Variants in AUH observed in about 807,000 individuals in gnomAD.
AUH encodes methylglutaconyl-CoA hydratase, mitochondrial.
In AUH, 29 loss-of-function variants were observed where a neutral mutation model predicts 42.3. The observed-to-expected ratio is 0.69, with a 90% CI of 0.51 to 0.93. The LOEUF is 0.93. AUH is among the 40% of genes least tolerant of loss of function. The pLI is 0.00. For missense variants in AUH, 452 were observed against 438.1 expected (o/e 1.03, Z -0.28); for synonymous variants, 174 against 166.4 (o/e 1.05, Z -0.35).
At chr9:91,288,318 G>A (rs578226504) in intron 6 of AUH, among the ~76,000 whole-genome samples, 1 of 152,156 alleles carries the variant, frequency 6.6e-6, no homozygotes, top group Non-Finnish European at 1.5e-5. Context: ...CCTTGCAAAT[G>A]TATTAAAGGA....
intron 8 of AUH, 120 bp downstream of exon 8, chr9:91,217,157 T>C (rs1471528061): frequency 1.2e-5 from 12 of 1,018,400 alleles, no homozygotes; most frequent in East Asian, 2.5e-5. Context: ...TCAGTAATAG[T>C]AGCATTTAAA....
chr9:91,330,755 C>T (rs150170468), intron 3 of AUH, among the ~76,000 whole-genome samples: 9 of 152,238 alleles, frequency 5.9e-5, no homozygotes, highest in East Asian at 3.9e-4. Context: ...TACTCCTAGA[C>T]GAATGGTACA....
At chr9:91,226,564 C>G (rs1302491805) in intron 6 of AUH, among the ~76,000 whole-genome samples, 2 of 145,830 alleles carry the variant, frequency 1.4e-5, no homozygotes, top group African/African-American at 5.0e-5. Context: ...AATTAGATCC[C>G]ATTTGTCAAT....
chr9:91,253,270 T>C (rs578253226), intron 6 of AUH, among the ~76,000 whole-genome samples: 32 of 152,338 alleles, frequency 2.1e-4, no homozygotes, highest in Admixed American at 4.6e-4. Flanking sequence ...CATGGTATAA[T>C]GTAAAGTGAG....
At chr9:91,321,821 T>G (rs548046019) in intron 4 of AUH, among the ~76,000 whole-genome samples, 12 of 152,322 alleles carry the variant, frequency 7.9e-5, no homozygotes, top group Non-Finnish European at 1.8e-4. Flanking sequence ...AAAGCTGTAT[T>G]GGAACAGAGC....
chr9:91,325,346 G>A lies in AUH; in HGVS notation c.477C>T (p.Ser159=), dbSNP rs764900793. 2 of 1,613,678 alleles carry A rather than the reference G, an allele frequency of 1.2e-6. No individual in the cohort carries two copies. The highest frequency in any genetic ancestry group is 2.2e-5 in the South Asian group (2 of 91,062). ...TATCGTTAATCACTGCTCTTATTTT[G>A]GAGACAAAAGGACCAACTTCACTGG... ...MSSSEVGPFV[S]KIRAVINDIA... Residue 159 remains serine (S), a synonymous_variant, in exon 4 of 10, where the codon TCC becomes TCT. Coordinates refer to ENST00000375731, the MANE Select transcript of AUH (RefSeq NM_001698.3).
chr9:91,318,488 C>T (rs939467265), intron 4 of AUH, among the ~76,000 whole-genome samples: 7 of 152,160 alleles, frequency 4.6e-5, no homozygotes, highest in African/African-American at 9.7e-5. Context: ...ATGTATTTAC[C>T]TGGATGTTTG....
chr9:91,249,699 G>T (rs971240727), intron 6 of AUH, among the ~76,000 whole-genome samples: 2 of 152,100 alleles, frequency 1.3e-5, no homozygotes, highest in African/African-American at 2.4e-5. Context: ...AAACAAAAAG[G>T]CTTTGCAATT....
In AUH at chr9:91,356,069, G is replaced by A; in HGVS notation, c.330+19C>T. ...TATATCTTAATATTAGAAGCAAACA[G>A]TTTAATCTTTACACTCACCATTTTT... On this transcript the variant is annotated intron_variant, in intron 2 of 9. Transcript: ENST00000375731. 1 of 1,608,838 alleles carries A rather than the reference G, an allele frequency of 6.2e-7. No individual in the cohort carries two copies. The highest frequency in any genetic ancestry group is 2.2e-5 in the East Asian group (1 of 44,760).
intron 4 of AUH, among the ~76,000 whole-genome samples, chr9:91,302,399 G>A (rs1165876705): frequency 2.0e-5 from 3 of 152,110 alleles, no homozygotes; most frequent in Non-Finnish European, 4.4e-5. Flanking sequence ...AGACCAGCCT[G>A]ACCAACATAG....
intron 4 of AUH, 106 bp downstream of exon 4, chr9:91,325,212 A>G: frequency 2.3e-6 from 2 of 872,616 alleles, no homozygotes; most frequent in Middle Eastern, 3.0e-4. Flanking sequence ...ATGATTATCT[A>G]ATTATATAAA....
intron 6 of AUH, among the ~76,000 whole-genome samples, chr9:91,289,551 G>GA (rs1361557771): frequency 2.0e-5 from 3 of 152,138 alleles, no homozygotes; most frequent in Non-Finnish European, 2.9e-5. Context: ...CAAGAAGGGA[G>GA]AAAAAAATTA....
intron 6 of AUH, among the ~76,000 whole-genome samples, chr9:91,276,769 A>G (rs1056745606): frequency 1.3e-5 from 2 of 152,224 alleles, no homozygotes; most frequent in African/African-American, 2.4e-5. Context: ...CACTGGCAAG[A>G]CTCAAGAACA....
chr9:91,328,216 G>T (rs1830092692), intron 3 of AUH, among the ~76,000 whole-genome samples: 1 of 152,064 alleles, frequency 6.6e-6, no homozygotes, highest in Admixed American at 6.6e-5. Flanking sequence ...CGCTCTCCTT[G>T]GCTGGCATCA....
At chr9:91,324,586 T>TA (rs1402944572) in intron 4 of AUH, among the ~76,000 whole-genome samples, 1 of 140,280 alleles carries the variant, frequency 7.1e-6, no homozygotes, top group African/African-American at 2.6e-5. Context: ...TTTGAAAAGA[T>TA]AAAACATCAC....
intron 8 of AUH, among the ~76,000 whole-genome samples, chr9:91,216,704 C>A (rs1008797294): frequency 2.6e-5 from 4 of 152,116 alleles, no homozygotes; most frequent in African/African-American, 9.7e-5. Flanking sequence ...ATAAGTTACC[C>A]AAAATATAAT....
At chr9:91,231,977 G>A (rs945939882) in intron 6 of AUH, among the ~76,000 whole-genome samples, 1 of 151,894 alleles carries the variant, frequency 6.6e-6, no homozygotes, top group Admixed American at 6.5e-5. Context: ...GTTAATAATA[G>A]TATGTACTTA....
At chr9:91,215,107 A>G (rs1826745259) in intron 9 of AUH, among the ~76,000 whole-genome samples, 1 of 152,224 alleles carries the variant, frequency 6.6e-6, no homozygotes, top group South Asian at 2.1e-4. Flanking sequence ...CTGCTCCTTT[A>G]AACGAGTGCT....
Position 91,214,178 on chromosome 9 carries a change from T to C in AUH, c.*170A>G, listed in dbSNP as rs1250766457. On this transcript the variant is annotated 3_prime_UTR_variant, in exon 10 of 10. Coordinates refer to ENST00000375731, the MANE Select transcript of AUH (RefSeq NM_001698.3). ...CTGAATGAATATGACATTTACACAT[T>C]TGAATGAAGTACACGGATGGGTCCA... 1 of 639,538 alleles carries C rather than the reference T, an allele frequency of 1.6e-6. No homozygotes were observed. Among genetic ancestry groups the C allele is most frequent in the Non-Finnish European group, 2.8e-6 (1 of 353,422 alleles). The allele number at this position is 639,538 out of a possible 1,614,324, so 39.6% of individuals were successfully genotyped here.
Sources: allele counts gnomAD v4.1 joint callset (sites outside exome capture counted in the v4.1 genomes callset), GRCh38; gene constraint gnomAD v4.1.1; transcripts MANE v1.5; gene names NCBI Gene and HGNC (gene_info 2026-07-23, HGNC 2026-07-21).